The following LOXHD1 variants were observed in gnomAD, a reference collection of about 807,000 sequenced individuals.
LOXHD1 encodes lipoxygenase homology PLAT domains 1, also known as lipoxygenase homology domain-containing protein 1.
In LOXHD1, 205 loss-of-function variants were observed where a neutral mutation model predicts 248.2. The observed-to-expected ratio is 0.83, with a 90% CI of 0.74 to 0.93. The LOEUF is 0.93. Ranked by LOEUF, LOXHD1 falls within the 40% of genes least tolerant of loss-of-function variation. The pLI, the probability that LOXHD1 is intolerant of heterozygous loss-of-function variation, is 0.00. For missense variants in LOXHD1, 2,930 were observed against 2,971.6 expected (o/e 0.99, Z 0.33); for synonymous variants, 1,113 against 1,162.8 (o/e 0.96, Z 0.87).
In LOXHD1 at chr18:46,522,158, G is replaced by A. The variant is rs865871778; in HGVS notation, c.5028C>T (p.Gly1676=). ...YPRGKRGFSR[G]SVEEFYVAGL... is the part of the protein sequence containing the mutation. ...CTGCGACGTAGAACTCCTCCACAGA[G>A]CCACGGCTGAAGCCCCTCTTCCCTC... is the stretch of plus-strand genomic sequence containing the variant. The change falls in exon 32 of 41, where the codon GGC becomes GGT. Residue 1676 remains glycine, a synonymous_variant. Coordinates refer to ENST00000642948, the MANE Select transcript of LOXHD1 (RefSeq NM_001384474.1). The A allele has an allele frequency of 1.3e-6, 2 of 1,551,640 alleles. No homozygotes were observed. The highest frequency in any genetic ancestry group is 8.7e-7 in the Non-Finnish European group (1 of 1,146,972).
At chr18:46,516,416 G>C (rs780385012) in intron 34 of LOXHD1, among the ~76,000 whole-genome samples, 10 of 152,334 alleles carry the variant, frequency 6.6e-5, no homozygotes, top group Non-Finnish European at 1.3e-4. Context: ...TGAGACAGCA[G>C]AAGTGCTAAA....
intron 21 of LOXHD1, among the ~76,000 whole-genome samples, chr18:46,548,693 G>T (rs142794626): frequency 6.6e-6 from 1 of 152,084 alleles, no homozygotes; most frequent in Admixed American, 6.5e-5. Context: ...AAAGAGCTGG[G>T]GTCAGAGCAG....
Position 46,563,226 on chromosome 18 carries a change from C to A in LOXHD1, c.2438-1G>T. The A allele has an allele frequency of 6.7e-7, 1 of 1,498,242 alleles. No individual in the cohort carries two copies. The highest frequency in any genetic ancestry group is 9.0e-7 in the Non-Finnish European group (1 of 1,106,836). The allele number at this position is 1,498,242 out of a possible 1,614,324, so 92.8% of individuals were successfully genotyped here. On this transcript the variant is annotated splice_acceptor_variant, in intron 17 of 40. Transcript: ENST00000642948. LOFTEE classifies it high-confidence loss of function. ...CAAATCTCAACCTCATAGTGGACCA[C>A]TGGGTGGGCACGTGCAGAAGAAGTG...
rs747455324 is a variant in LOXHD1, at chr18:46,484,987, C to T, written c.6182+32G>A. 18 of 1,545,708 alleles carry T rather than the reference C, an allele frequency of 1.2e-5. No individual in the cohort carries two copies. In the African/African-American group the frequency reaches 2.5e-4, roughly 21 times the overall value. ...GGGGTCCTCCCTTACCTACCCACCC[C>T]CCACCACTTCCCATGGGCCTCCCCT... On this transcript the variant is annotated intron_variant, in intron 39 of 40. Transcript: ENST00000642948.
chr18:46,640,294 G>C (rs2038946611), intron 3 of LOXHD1, among the ~76,000 whole-genome samples: 1 of 152,180 alleles, frequency 6.6e-6, no homozygotes, highest in South Asian at 2.1e-4. Flanking sequence ...CTGATTTACA[G>C]GACACAGCTT....
intron 21 of LOXHD1, among the ~76,000 whole-genome samples, chr18:46,556,239 T>A (rs781491082): frequency 1.3e-5 from 2 of 152,068 alleles, no homozygotes; most frequent in Non-Finnish European, 2.9e-5. Context: ...AAATATTTAC[T>A]ATCTGGTCTT....
Position 46,595,775 on chromosome 18 carries a change from C to T in LOXHD1, c.1135-1309G>A, listed in dbSNP as rs183407485. ...TTGAGGGCACAGGAGGGTATAATCA[C>T]CAACAATTTATTTACAAGTCTTTCT... On this transcript the variant is annotated intron_variant, in intron 8 of 40. Transcript: ENST00000642948. 5.3e-5 allele frequency among the ~76,000 whole-genome samples: 8 copies of T among 152,318 alleles called. No homozygotes were observed. The East Asian group carries it at 1.5e-3, about 29-fold the overall frequency.
intron 5 of LOXHD1, among the ~76,000 whole-genome samples, chr18:46,615,468 T>C (rs985975606): frequency 2.6e-5 from 4 of 152,224 alleles, no homozygotes; most frequent in Non-Finnish European, 5.9e-5. Flanking sequence ...AGATTATTCA[T>C]ATTATAATTT....
At chr18:46,622,138 C>T (rs1303111791) in intron 4 of LOXHD1, among the ~76,000 whole-genome samples, 1 of 152,208 alleles carries the variant, frequency 6.6e-6, no homozygotes, top group East Asian at 1.9e-4. Context: ...CCCCAGGCCT[C>T]CCAGACCCTA....
At chr18:46,521,037 T>C in intron 33 of LOXHD1, 60 bp downstream of exon 33, 1 of 1,517,954 alleles carries the variant, frequency 6.6e-7, no homozygotes, top group Non-Finnish European at 8.9e-7. Flanking sequence ...CCCCTGCTGC[T>C]CCCCACCTCA....
rs554911611 is a variant in LOXHD1 at position 46,569,596 on chromosome 18, C to T, written c.2090G>A (p.Gly697Glu). 6 of 1,551,590 alleles carry T rather than the reference C, an allele frequency of 3.9e-6. No homozygotes were observed. The South Asian group carries it at 4.8e-5, about 12-fold the overall frequency. Residue 697 changes from glycine (G) to glutamate (E), a missense_variant, in exon 16 of 41, where the codon GGG (glycine) becomes GAG (glutamate). Physicochemically the swap from Gly to Glu is moderately conservative, Grantham distance 98 (BLOSUM62 -2). Coordinates refer to ENST00000642948, the MANE Select transcript of LOXHD1 (RefSeq NM_001384474.1). The part of the protein sequence containing the change: ...HISLKTGDVS[G>E]ASTDSRVYIK... ...GTAGACTCTAGAATCCGTGCTGGCCCCAGAGACATCCCCAGTCTTCAAGCT... is the reference window on the plus strand; with the variant it reads ...GTAGACTCTAGAATCCGTGCTGGCCTCAGAGACATCCCCAGTCTTCAAGCT...
At chr18:46,550,576 T>C (rs1471703461) in intron 21 of LOXHD1, among the ~76,000 whole-genome samples, 1 of 24,102 alleles carries the variant, frequency 4.1e-5, no homozygotes, top group Non-Finnish European at 1.7e-4. Flanking sequence ...CGAGACTCCG[T>C]CTCAAAAAAA....
chr18:46,594,241 GC>G, intron 9 of LOXHD1, 89 bp downstream of exon 9: 2 of 1,485,144 alleles, frequency 1.3e-6, no homozygotes. Flanking sequence ...GGAGTGGACT[GC>G]CCTCATAGCT....
intron 17 of LOXHD1, among the ~76,000 whole-genome samples, chr18:46,563,767 T>A (rs951252319): frequency 6.6e-6 from 1 of 152,064 alleles, no homozygotes; most frequent in Admixed American, 6.5e-5. Context: ...CAGGCCCTAA[T>A]CCAAGCTGAT....
At chr18:46,594,858 G>C in intron 8 of LOXHD1, among the ~76,000 whole-genome samples, 1 of 152,060 alleles carries the variant, frequency 6.6e-6, no homozygotes, top group Non-Finnish European at 1.5e-5. Context: ...TTAATATCTG[G>C]AATGTAATAT....
intron 31 of LOXHD1, 66 bp from the exon 32 acceptor site, chr18:46,522,375 C>A (rs888036741): frequency 2.3e-5 from 32 of 1,378,620 alleles, no homozygotes; most frequent in Non-Finnish European, 3.1e-5. Context: ...CTCATAGACT[C>A]ACAGATTTGG....
intron 6 of LOXHD1, among the ~76,000 whole-genome samples, chr18:46,605,604 A>G (rs1196433492): frequency 6.6e-6 from 1 of 152,222 alleles, no homozygotes; most frequent in African/African-American, 2.4e-5. Context: ...TCAAAGACTC[A>G]GGCAATAGGA....
rs113319538 is a variant in LOXHD1 at position 46,523,488 on chromosome 18, T to C, written c.4876+978A>G. ...CAGGTGGCCTACCTTTGGACTTTTA[T>C]GTGAGTGAAAAGAAAAATTCCTAAT... On this transcript the variant is annotated intron_variant, in intron 31 of 40. Transcript: ENST00000642948. 1.2e-3 allele frequency among the ~76,000 whole-genome samples: 188 copies of C among 152,334 alleles called. 1 individual carries two copies. Among genetic ancestry groups the C allele is most frequent in the African/African-American group, 4.3e-3 (177 of 41,580 alleles).
chr18:46,561,710 AC>A (rs201314174), intron 18 of LOXHD1, among the ~76,000 whole-genome samples: 6,436 of 152,272 alleles, frequency 0.042, 223 homozygotes, highest in Non-Finnish European at 0.066. Context: ...CAGTCAACAA[AC>A]CACCTTTGCC....
Sources: gnomAD v4.1 joint callset for allele counts (sites outside exome capture counted in the v4.1 genomes callset) on GRCh38, gnomAD v4.1.1 for gene constraint, MANE v1.5 for transcripts, NCBI Gene and HGNC (gene_info 2026-07-23, HGNC 2026-07-21) for gene names.